ANKFN1: variants seen among roughly 807,000 people sequenced by gnomAD.
The protein encoded by ANKFN1 is ankyrin repeat and fibronectin type III domain containing 1.
A neutral mutation model predicts 108.7 loss-of-function variants in ANKFN1; 74 were observed. The observed-to-expected ratio is 0.68, with a 90% CI of 0.56 to 0.83. ANKFN1 has a LOEUF of 0.83. ANKFN1 is among the 40% of genes least tolerant of loss of function. ANKFN1 has a pLI of 0.00. For missense variants in ANKFN1, 1,505 were observed against 1,382.3 expected, an observed-to-expected ratio of 1.09 and a Z score of -1.41; for synonymous variants, 547 against 516.2, an observed-to-expected ratio of 1.06 and a Z score of -0.81.
In ANKFN1 at chr17:56,480,886, G is replaced by T; in HGVS notation, c.2091+68G>T. 2.1e-6 allele frequency: 3 copies of T among 1,411,508 alleles called. No individual in the cohort carries two copies. The Admixed American group carries it at 5.8e-5, about 27-fold the overall frequency. The allele number at this position is 1,411,508 out of a possible 1,614,324, so 87.4% of individuals were successfully genotyped here. On this transcript the variant is annotated intron_variant, in intron 17 of 20. Transcript: ENST00000682825. ...TGGAAACTGCATTGTAACATTAAGTGGGGTGTGTGTGTGTGTGTGTGTGTG... is the reference window on the plus strand; with the variant it reads ...TGGAAACTGCATTGTAACATTAAGTTGGGTGTGTGTGTGTGTGTGTGTGTG...
At chr17:56,081,228 G>A (rs1044412828) in intron 4 of ANKFN1, among the ~76,000 whole-genome samples, 8 of 152,210 alleles carry the variant, frequency 5.3e-5, no homozygotes, top group African/African-American at 1.9e-4. Context: ...TTATTAAACA[G>A]CATTAGAGCA....
At chr17:56,062,441 A>G (rs1904990088) in intron 4 of ANKFN1, among the ~76,000 whole-genome samples, 1 of 152,152 alleles carries the variant, frequency 6.6e-6, no homozygotes, top group South Asian at 2.1e-4. Flanking sequence ...TATATTTAGA[A>G]TAGTTAGCCC....
chr17:56,358,600 C>T (rs1436799706), intron 6 of ANKFN1, among the ~76,000 whole-genome samples: 4 of 152,150 alleles, frequency 2.6e-5, no homozygotes, highest in East Asian at 1.9e-4. Flanking sequence ...GCAAACAGCA[C>T]AAAATAATAT....
At chr17:56,495,568 C>A (rs555848045) in intron 19 of ANKFN1, among the ~76,000 whole-genome samples, 22 of 152,180 alleles carry the variant, frequency 1.4e-4, no homozygotes, top group African/African-American at 5.1e-4. Flanking sequence ...CCAAGGAGTG[C>A]GGCCAGAAAG....
chr17:56,129,259 C>G (rs2143335890), intron 4 of ANKFN1, among the ~76,000 whole-genome samples: 1 of 152,292 alleles, frequency 6.6e-6, no homozygotes, highest in South Asian at 2.1e-4. Flanking sequence ...TCATCAACCT[C>G]CCAGGATTCT....
chr17:56,442,908 G>A lies in ANKFN1; in HGVS notation c.1074G>A (p.Thr358=), dbSNP rs765084946. The stretch of plus-strand genomic sequence containing the variant: ...AAGGATGGGGACCTGCTCAGACCAC[G>A]ACACCGGCATGTGCCTCTCCTTCTA... ...NMKGWGPAQT[T]TPACASPSNW... is the part of the protein sequence containing the mutation. Residue 358 remains threonine (T), a synonymous_variant, in exon 10 of 21, where the codon ACG becomes ACA. Coordinates refer to ENST00000682825, the MANE Select transcript of ANKFN1 (RefSeq NM_001370326.1). 1.2e-5 allele frequency: 20 copies of A among 1,613,592 alleles called. No homozygotes were observed. The highest frequency in any genetic ancestry group is 1.6e-4 in the Middle Eastern group (1 of 6,080).
chr17:56,420,795 C>T (rs1432136047), intron 8 of ANKFN1, among the ~76,000 whole-genome samples: 1 of 151,280 alleles, frequency 6.6e-6, no homozygotes, highest in Non-Finnish European at 1.5e-5. Context: ...GCAAGCTCTG[C>T]CTGCCGGGTT....
chr17:56,432,247 G>T (rs952075333), intron 8 of ANKFN1, among the ~76,000 whole-genome samples: 1 of 152,268 alleles, frequency 6.6e-6, no homozygotes, highest in East Asian at 1.9e-4. Context: ...AACAAGTGAC[G>T]ATCTATCTGG....
chr17:56,430,508 A>G (rs1489603058), intron 8 of ANKFN1, among the ~76,000 whole-genome samples: 1 of 150,106 alleles, frequency 6.7e-6, no homozygotes, highest in African/African-American at 2.4e-5. Flanking sequence ...TACCACACAC[A>G]CACACACACA....
chr17:56,374,564 C>A, intron 7 of ANKFN1, 37 bp from the exon 8 acceptor site: 1 of 1,455,464 alleles, frequency 6.9e-7, no homozygotes, highest in Non-Finnish European at 9.6e-7. Flanking sequence ...AAAGGATTTG[C>A]TATGTTAAGA....
At chr17:56,396,402 T>C (rs2047586049) in intron 8 of ANKFN1, among the ~76,000 whole-genome samples, 1 of 152,088 alleles carries the variant, frequency 6.6e-6, no homozygotes, top group Non-Finnish European at 1.5e-5. Flanking sequence ...GAGCTGAGAT[T>C]GCGCCACTGC....
At chr17:56,457,158 G>T (rs569578969) in intron 12 of ANKFN1, 99 bp from the exon 13 acceptor site, 3 of 1,263,018 alleles carry the variant, frequency 2.4e-6, no homozygotes, top group Non-Finnish European at 3.3e-6. Flanking sequence ...GCAGGAATAC[G>T]TTCCTAGGTA....
At chr17:56,139,667 G>A (rs1298165448) in intron 4 of ANKFN1, among the ~76,000 whole-genome samples, 1 of 152,158 alleles carries the variant, frequency 6.6e-6, no homozygotes, top group Non-Finnish European at 1.5e-5. Context: ...CTGAAGAAGT[G>A]AGAAAAGGAC....
intron 3 of ANKFN1, among the ~76,000 whole-genome samples, chr17:56,309,095 T>C (rs933401037): frequency 1.3e-5 from 2 of 152,220 alleles, no homozygotes; most frequent in African/African-American, 4.8e-5. Context: ...ATGTGTTCCC[T>C]CCTCTTTTGG....
rs1464566564 is a variant in ANKFN1, at chr17:56,510,849, C to T, written c.3021C>T (p.His1007=). 4.6e-6 allele frequency: 7 copies of T among 1,536,160 alleles called. No homozygotes were observed. The highest frequency in any genetic ancestry group is 1.2e-5 in the South Asian group (1 of 84,068). The change falls in exon 21 of 21, where the codon CAC becomes CAT. Residue 1007 remains histidine (H), a synonymous_variant. Transcript: ENST00000682825. The part of the protein sequence containing the change: ...LGKRKPGKHP[H]YGGFSRHHRW... ...AGCGGAAGCCAGGCAAGCACCCCCACTATGGCGGCTTCAGCCGCCATCATC... is the reference window on the plus strand; with the variant it reads ...AGCGGAAGCCAGGCAAGCACCCCCATTATGGCGGCTTCAGCCGCCATCATC...
intron 2 of ANKFN1, among the ~76,000 whole-genome samples, chr17:56,220,832 G>A (rs1297371187): frequency 0.23 from 9,556 of 40,880 alleles, 645 homozygotes; most frequent in East Asian, 0.43. Flanking sequence ...GGAAGGAAGG[G>A]AGGAAGGGAG....
At chr17:56,390,087 T>C (rs2047383766) in intron 8 of ANKFN1, among the ~76,000 whole-genome samples, 1 of 152,126 alleles carries the variant, frequency 6.6e-6, no homozygotes. Context: ...CATGCAGGTT[T>C]GTTACATAGG....
chr17:56,374,678 C>G lies in ANKFN1; in HGVS notation c.874C>G (p.Leu292Val), dbSNP rs761104480. The change falls in exon 8 of 21, where the codon CTT becomes GTT. Residue 292 changes from leucine (L) to valine (V), a missense_variant. Leu to Val is a conservative substitution (Grantham distance 32, BLOSUM62 1). Transcript: ENST00000682825. ...TSLTVSFQEPLSVNAAVVTRY... is the reference protein window; with the variant it reads ...TSLTVSFQEPVSVNAAVVTRY... ...ACTCACTGTCAGCTTCCAAGAGCCT[C>G]TTAGCGTCAATGCAGCTGTAGTAAC... 1 of 1,613,910 alleles carries G rather than the reference C, an allele frequency of 6.2e-7. No individual in the cohort carries two copies. The highest frequency in any genetic ancestry group is 1.1e-5 in the South Asian group (1 of 91,058).
intron 3 of ANKFN1, among the ~76,000 whole-genome samples, chr17:56,271,207 C>T (rs547692669): frequency 6.6e-6 from 1 of 152,196 alleles, no homozygotes; most frequent in South Asian, 2.1e-4. Flanking sequence ...TGGGGTTTTG[C>T]CATGTTGCCC....
Sources: allele counts gnomAD v4.1 joint callset (sites outside exome capture counted in the v4.1 genomes callset), GRCh38; gene constraint gnomAD v4.1.1; transcripts MANE v1.5; gene names NCBI Gene and HGNC (gene_info 2026-07-23, HGNC 2026-07-21).